WWOX: variants seen among roughly 807,000 people sequenced by gnomAD.
The protein encoded by WWOX is WW domain-containing oxidoreductase.
In WWOX, 69 loss-of-function variants were observed where a neutral mutation model predicts 46.2. The observed-to-expected ratio is 1.49, with a 90% CI of 1.23 to 1.82. WWOX has a LOEUF of 1.82. Among genes scored for constraint, WWOX ranks in the 40% most tolerant of loss-of-function variants. The pLI is 0.00. For synonymous variants in WWOX, 359 were observed against 202.6 expected (o/e 1.77, Z -6.56); for missense variants, 919 against 542.6 (o/e 1.69, Z -6.89).
chr16:78,352,289 A>T (rs4640197), intron 5 of WWOX, among the ~76,000 whole-genome samples: 2,536 of 152,274 alleles, frequency 0.017, 38 homozygotes, highest in Non-Finnish European at 0.028. Flanking sequence ...AATTTTCTCA[A>T]TGTTAGTGAC....
chr16:79,154,752 T>G (rs1016742685), intron 8 of WWOX, among the ~76,000 whole-genome samples: 2 of 152,190 alleles, frequency 1.3e-5, no homozygotes, highest in Admixed American at 1.3e-4. Context: ...TCATGTCTTT[T>G]GGGTCCTTTT....
At chr16:79,147,509 G>A (rs1178127936) in intron 8 of WWOX, among the ~76,000 whole-genome samples, 2 of 152,292 alleles carry the variant, frequency 1.3e-5, no homozygotes, top group East Asian at 3.9e-4. Context: ...CTCTCCCGCT[G>A]AAGGAAATCT....
chr16:79,046,651 C>T (rs538398791), intron 8 of WWOX, among the ~76,000 whole-genome samples: 6 of 152,300 alleles, frequency 3.9e-5, no homozygotes, highest in African/African-American at 9.6e-5. Flanking sequence ...GAGGACTCCA[C>T]GGTGAGCATA....
At position 79,029,217 on chromosome 16, in the gene WWOX, C is replaced by T. The variant is rs535259545; in HGVS notation, c.1057-182391C>T. Reference sequence around the variant, plus strand: ...ACAGATGCACAGGAGACCTTTGCCCCACCCCGTCACGGCTGGGCCTACTCA... The same window carrying T: ...ACAGATGCACAGGAGACCTTTGCCCTACCCCGTCACGGCTGGGCCTACTCA... On this transcript the variant is annotated intron_variant, in intron 8 of 8. Transcript: ENST00000566780. Among the ~76,000 whole-genome samples, 213 of 152,260 alleles carry T rather than the reference C, an allele frequency of 1.4e-3. 1 individual carries two copies. Among genetic ancestry groups the T allele is most frequent in the Non-Finnish European group, 2.7e-3 (185 of 68,022 alleles).
At chr16:78,816,541 G>A (rs1285397331) in intron 8 of WWOX, among the ~76,000 whole-genome samples, 1 of 105,968 alleles carries the variant, frequency 9.4e-6, no homozygotes, top group East Asian at 2.9e-4. Context: ...TTGATACAAT[G>A]AGGGGAAATG....
At chr16:78,838,569 C>A (rs891830633) in intron 8 of WWOX, among the ~76,000 whole-genome samples, 2 of 152,154 alleles carry the variant, frequency 1.3e-5, no homozygotes, top group Admixed American at 1.3e-4. Context: ...TGGCTGGGCA[C>A]GGTGGCTCAC....
At chr16:79,089,135 T>A (rs748180880) in intron 8 of WWOX, among the ~76,000 whole-genome samples, 2 of 152,128 alleles carry the variant, frequency 1.3e-5, no homozygotes, top group Non-Finnish European at 2.9e-5. Flanking sequence ...GAAGGCCGCA[T>A]ATGGTGGGCA....
chr16:78,517,145 A>G (rs770797110), intron 8 of WWOX, among the ~76,000 whole-genome samples: 3 of 152,234 alleles, frequency 2.0e-5, no homozygotes, highest in African/African-American at 4.8e-5. Flanking sequence ...TGAGAATACT[A>G]AAATCTTACA....
At chr16:79,121,878 C>T (rs1223112971) in intron 8 of WWOX, among the ~76,000 whole-genome samples, 1 of 152,034 alleles carries the variant, frequency 6.6e-6, no homozygotes, top group Non-Finnish European at 1.5e-5. Context: ...GAAAAGAGGT[C>T]GTGTGTGTGT....
chr16:78,403,343 C>G (rs11640492), intron 6 of WWOX, among the ~76,000 whole-genome samples: 8 of 152,180 alleles, frequency 5.3e-5, no homozygotes, highest in Admixed American at 5.2e-4. Context: ...TCATCTGGTA[C>G]TTAAAACTAT....
At chr16:79,200,179 G>C (rs920915479) in intron 8 of WWOX, among the ~76,000 whole-genome samples, 1 of 152,138 alleles carries the variant, frequency 6.6e-6, no homozygotes, top group East Asian at 1.9e-4. Flanking sequence ...CATGACATCC[G>C]CCAGAGGCCT....
intron 5 of WWOX, among the ~76,000 whole-genome samples, chr16:78,197,917 T>A (rs2036106559): frequency 6.6e-6 from 1 of 152,206 alleles, no homozygotes; most frequent in Non-Finnish European, 1.5e-5. Context: ...ATACTCCTCC[T>A]CCTTCCCTGT....
At chr16:78,241,195 C>T (rs139942157) in intron 5 of WWOX, 1 of 152,364 alleles carries the variant, frequency 6.6e-6, no homozygotes, top group Non-Finnish European at 1.5e-5. Flanking sequence ...GATACTTACC[C>T]ACCTGTTCAG....
intron 8 of WWOX, among the ~76,000 whole-genome samples, chr16:78,678,504 C>T (rs1285321289): frequency 6.6e-6 from 1 of 152,162 alleles, no homozygotes; most frequent in African/African-American, 2.4e-5. Context: ...GTGCTGGTTG[C>T]AACCTGGAAG....
chr16:79,040,803 C>G (rs539904407), intron 8 of WWOX, among the ~76,000 whole-genome samples: 1 of 152,020 alleles, frequency 6.6e-6, no homozygotes, highest in East Asian at 1.9e-4. Context: ...TGTCCTTGTC[C>G]GGAGAGCTCG....
chr16:78,877,304 C>T (rs888976511), intron 8 of WWOX, among the ~76,000 whole-genome samples: 20 of 151,458 alleles, frequency 1.3e-4, no homozygotes, highest in African/African-American at 4.6e-4. Flanking sequence ...GCCTGCCTCC[C>T]CCCTGTGAGC....
chr16:78,817,432 A>G (rs2051364417), intron 8 of WWOX, among the ~76,000 whole-genome samples: 1 of 152,046 alleles, frequency 6.6e-6, no homozygotes, highest in Non-Finnish European at 1.5e-5. Flanking sequence ...TCAGCTACCA[A>G]CAATCATAAA....
chr16:78,625,753 A>G (rs768295615), intron 8 of WWOX, among the ~76,000 whole-genome samples: 50 of 142,526 alleles, frequency 3.5e-4, no homozygotes, highest in Non-Finnish European at 6.8e-4. Flanking sequence ...TTTTTTTGCC[A>G]TTTGCCAATT....
chr16:78,617,833 T>C (rs1181583767), intron 8 of WWOX, among the ~76,000 whole-genome samples: 2 of 152,234 alleles, frequency 1.3e-5, no homozygotes, highest in Non-Finnish European at 2.9e-5. Flanking sequence ...AATGATGGAA[T>C]GAAGGTGTCT....
Sources: allele counts gnomAD v4.1 joint callset (sites outside exome capture counted in the v4.1 genomes callset), GRCh38; gene constraint gnomAD v4.1.1; transcripts MANE v1.5; gene names NCBI Gene and HGNC (gene_info 2026-07-23, HGNC 2026-07-21).